Variants in SPINK9 observed in about 807,000 individuals in gnomAD.
SPINK9 encodes the protein serine peptidase inhibitor Kazal type 9.
Under a neutral mutation model 10.8 loss-of-function variants are expected in SPINK9, and 3 were observed. The observed-to-expected ratio is 0.28, with a 90% CI of 0.13 to 0.72. SPINK9 has a LOEUF of 0.72. SPINK9 is among the 30% of genes least tolerant of loss of function. The pLI is 0.74. For missense variants in SPINK9, 101 were observed against 103.2 expected (o/e 0.98, Z 0.09); for synonymous variants, 30 against 31.2 (o/e 0.96, Z 0.12).
At chr5:148,327,303 T>G (rs1187213158) in intron 2 of SPINK9, among the ~76,000 whole-genome samples, 1 of 152,232 alleles carries the variant, frequency 6.6e-6, no homozygotes, top group Non-Finnish European at 1.5e-5. Flanking sequence ...CGCATAAATG[T>G]CTTCTTTTGA....
chr5:148,335,604 C>T lies in SPINK9; in HGVS notation c.-10C>T, dbSNP rs780840342. The T allele has an allele frequency of 3.1e-6, 5 of 1,613,462 alleles. No individual in the cohort carries two copies. The highest frequency in any genetic ancestry group is 4.2e-6 in the Non-Finnish European group (5 of 1,179,750). The stretch of plus-strand genomic sequence containing the variant: ...TCCCTACATCTGACTGCCTTGGCCA[C>T]TTCAGTACTATGAGAGCAACAGCCA... On this transcript the variant is annotated 5_prime_UTR_variant, in exon 1 of 4. Transcript: ENST00000377906.
At chr5:148,322,693 G>T (rs1236627966) in intron 1 of SPINK9, among the ~76,000 whole-genome samples, 2 of 152,162 alleles carry the variant, frequency 1.3e-5, no homozygotes, top group Non-Finnish European at 2.9e-5. Context: ...TCATAGCCCA[G>T]TTGTAGGGCT....
intron 2 of SPINK9, among the ~76,000 whole-genome samples, chr5:148,325,440 CCTGT>C: frequency 6.6e-6 from 1 of 152,046 alleles, no homozygotes; most frequent in East Asian, 1.9e-4. Flanking sequence ...CAACACGTCA[CCTGT>C]CTTTTTTATC....
At chr5:148,339,446 A>G (rs1053619936) in intron 3 of SPINK9, among the ~76,000 whole-genome samples, 1 of 152,116 alleles carries the variant, frequency 6.6e-6, no homozygotes, top group African/African-American at 2.4e-5. Flanking sequence ...AAATTAAAAC[A>G]TTTCTGTTTT....
chr5:148,335,689 TG>T, intron 1 of SPINK9, 21 bp downstream of exon 1: 1 of 1,612,482 alleles, frequency 6.2e-7, no homozygotes, highest in Non-Finnish European at 8.5e-7. Flanking sequence ...CTGATAATAC[TG>T]CCCCTGCCCT....
intron 3 of SPINK9, among the ~76,000 whole-genome samples, chr5:148,338,952 C>A (rs76536885): frequency 0.033 from 4,986 of 152,182 alleles, 274 homozygotes; most frequent in African/African-American, 0.11. Context: ...CAAGGAGTAT[C>A]CTCCCTCCTA....
At position 148,330,232 on chromosome 5, in the gene SPINK9, T is replaced by C. The variant is rs549170543; in HGVS notation, c.119-6190T>C. The stretch of plus-strand genomic sequence containing the variant: ...TATTTAGGATAGTTAGTTCTTCTTG[T>C]TGAATTGATCCCTTTACCATTATGT... On this transcript the variant is annotated intron_variant, in intron 2 of 4. Coordinates refer to the SPINK9 transcript ENST00000511717. 2.0e-5 allele frequency among the ~76,000 whole-genome samples: 3 copies of C among 152,346 alleles called. No individual in the cohort carries two copies. In the South Asian group the frequency reaches 6.2e-4, roughly 32 times the overall value.
At chr5:148,327,449 G>A (rs1677572062) in intron 2 of SPINK9, among the ~76,000 whole-genome samples, 2 of 152,096 alleles carry the variant, frequency 1.3e-5, no homozygotes, top group Admixed American at 6.5e-5. Flanking sequence ...CTCTCATTCT[G>A]TAGGTTGCCT....
chr5:148,335,515 G>C, upstream of SPINK9: 3 of 1,062,782 alleles, frequency 2.8e-6, no homozygotes, highest in Non-Finnish European at 4.2e-6. Context: ...AATTGAGGCA[G>C]GAATTCTTGA....
intron 1 of SPINK9, 81 bp downstream of exon 1, chr5:148,335,749 T>C: frequency 6.8e-7 from 1 of 1,480,360 alleles, no homozygotes; most frequent in Non-Finnish European, 9.3e-7. Context: ...CTGGGATATA[T>C]GTAATTCATC....
At chr5:148,328,300 C>G (rs1757096677) in intron 2 of SPINK9, among the ~76,000 whole-genome samples, 4 of 151,994 alleles carry the variant, frequency 2.6e-5, no homozygotes, top group Admixed American at 6.6e-5. Flanking sequence ...TGATTTGGCT[C>G]TCTGTTTGTT....
intron 1 of SPINK9, 57 bp from the exon 2 acceptor site, chr5:148,336,365 T>C: frequency 4.5e-6 from 7 of 1,554,638 alleles, no homozygotes; most frequent in Non-Finnish European, 6.2e-6. Context: ...ATTCTTTTTC[T>C]AGTAAGATTA....
chr5:148,333,864 T>C (rs1304991906), upstream of SPINK9, among the ~76,000 whole-genome samples: 5 of 152,238 alleles, frequency 3.3e-5, no homozygotes, highest in African/African-American at 1.2e-4. Context: ...ATTAACTTGT[T>C]TTGAAATTTA....
chr5:148,337,154 G>T (rs1307809168), intron 2 of SPINK9, among the ~76,000 whole-genome samples: 1 of 152,112 alleles, frequency 6.6e-6, no homozygotes, highest in Admixed American at 6.6e-5. Flanking sequence ...GGATGTAAAG[G>T]ATTACTGAAA....
intron 2 of SPINK9, among the ~76,000 whole-genome samples, chr5:148,325,620 T>C (rs1298717336): frequency 1.3e-5 from 2 of 152,128 alleles, no homozygotes; most frequent in African/African-American, 4.8e-5. Flanking sequence ...ATTATTGAAC[T>C]GTAATTTTTT....
chr5:148,321,319 G>A (rs1039602216), exon 1 of SPINK9: 1 of 152,264 alleles, frequency 6.6e-6, no homozygotes, highest in African/African-American at 2.4e-5. Flanking sequence ...TAAAGGAGCT[G>A]ATGGAGCTGA....
At chr5:148,334,970 TATG>T (rs1415137214), upstream of SPINK9, among the ~76,000 whole-genome samples, 1 of 152,234 alleles carries the variant, frequency 6.6e-6, no homozygotes, top group Non-Finnish European at 1.5e-5. Context: ...TCAGAGATAG[TATG>T]ATGATCTTGT....
intron 2 of SPINK9, among the ~76,000 whole-genome samples, chr5:148,327,096 C>T (rs928836307): frequency 3.9e-5 from 6 of 152,110 alleles, no homozygotes; most frequent in African/African-American, 9.7e-5. Context: ...CACACTGTCT[C>T]CCACAATGGT....
chr5:148,339,591 C>A, intron 3 of SPINK9, 76 bp from the exon 4 acceptor site: 1 of 1,282,386 alleles, frequency 7.8e-7, no homozygotes, highest in South Asian at 1.2e-5. Flanking sequence ...TTTTGGGATT[C>A]ATTAGTGAAG....
Sources: allele counts gnomAD v4.1 joint callset (sites outside exome capture counted in the v4.1 genomes callset), GRCh38; gene constraint gnomAD v4.1.1; transcripts MANE v1.5; gene names NCBI Gene and HGNC (gene_info 2026-07-23, HGNC 2026-07-21).